PTPRG: variants seen among roughly 807,000 people sequenced by gnomAD.
The protein encoded by PTPRG is protein tyrosine phosphatase receptor type G.
PTPRG carries 102 observed loss-of-function variants against 165.3 expected under a neutral mutation model. The ratio of observed to expected loss-of-function variants is 0.62; its 90% CI spans 0.53 to 0.73. The LOEUF (loss-of-function observed/expected upper bound fraction) is 0.73, where lower values mean the gene tolerates loss of function less well. Among genes scored for constraint, PTPRG ranks in the 30% least tolerant of loss-of-function variants. The pLI is 0.00. For synonymous variants in PTPRG, 675 were observed against 669.5 expected (o/e 1.01, Z -0.13); for missense variants, 1,866 against 1,861.4 (o/e 1.00, Z -0.05).
chr3:62,071,303 A>C (rs1445609363), intron 4 of PTPRG, among the ~76,000 whole-genome samples: 1 of 152,122 alleles, frequency 6.6e-6, no homozygotes, highest in Non-Finnish European at 1.5e-5. Flanking sequence ...AGCTTTCTAA[A>C]TCTGCATATA....
intron 2 of PTPRG, among the ~76,000 whole-genome samples, chr3:61,903,872 G>C (rs933199216): frequency 2.0e-5 from 3 of 152,116 alleles, no homozygotes; most frequent in African/African-American, 7.2e-5. Flanking sequence ...TTATTAACAG[G>C]AAGTGTGTAA....
rs141370393 is a variant in PTPRG, at chr3:62,255,305, A to G, written c.2559+90A>G. 645 of 941,094 alleles carry G rather than the reference A, an allele frequency of 6.9e-4. 3 individuals carry two copies. In the African/African-American group the frequency reaches 0.01, roughly 15 times the overall value. 58.3% of individuals were successfully genotyped at this position (941,094 alleles called of 1,614,324 possible). The stretch of plus-strand genomic sequence containing the variant: ...AACTTGAACTGAATTCATTCCAAGC[A>G]TAACAAAACAGTAACTACGGAAAGT... On this transcript the variant is annotated intron_variant, in intron 16 of 29. Transcript: ENST00000474889. This position sits in a 1 kb window ranked among gnomAD's most constrained non-coding sequence, Gnocchi z 4.0.
At chr3:62,042,223 G>A (rs544026244) in intron 4 of PTPRG, among the ~76,000 whole-genome samples, 41 of 152,276 alleles carry the variant, frequency 2.7e-4, no homozygotes, top group East Asian at 7.7e-4. Flanking sequence ...AGTCAGAGAT[G>A]TGAACAGTAG....
rs187944931 is a variant in PTPRG at position 62,126,635 on chromosome 3, C to T, written c.616-5967C>T. ...TCAGGGGCACTTCTGTGAGAGGCCT[C>T]GGTGACATTTTGCTTATCTGTTAGA... On this transcript the variant is annotated intron_variant, in intron 5 of 29. Transcript: ENST00000474889. Among the ~76,000 whole-genome samples, 28 of 152,228 alleles carry T rather than the reference C, an allele frequency of 1.8e-4. No homozygotes were observed. The East Asian group carries it at 4.8e-3, about 26-fold the overall frequency.
At chr3:62,154,131 C>T (rs1704447973) in intron 6 of PTPRG, among the ~76,000 whole-genome samples, 1 of 152,182 alleles carries the variant, frequency 6.6e-6, no homozygotes, top group Non-Finnish European at 1.5e-5. Context: ...GCTTCAGCCA[C>T]CAGGGCTGAC....
intron 9 of PTPRG, 51 bp downstream of exon 9, chr3:62,191,704 T>G (rs1445803660): frequency 2.2e-5 from 34 of 1,538,792 alleles, no homozygotes; most frequent in Non-Finnish European, 2.9e-5. Flanking sequence ...GAGGGACTCC[T>G]GCTGCAGCTC....
At chr3:61,818,602 A>G (rs1300222381) in intron 2 of PTPRG, among the ~76,000 whole-genome samples, 1 of 152,104 alleles carries the variant, frequency 6.6e-6, no homozygotes, top group Non-Finnish European at 1.5e-5. Flanking sequence ...AGTTTGAGAT[A>G]GCAGTGAGTC....
In PTPRG at chr3:61,782,901, C is replaced by G. The variant is rs538895188; in HGVS notation, c.190+33919C>G. 3.9e-5 allele frequency among the ~76,000 whole-genome samples: 6 copies of G among 152,246 alleles called. No individual in the cohort carries two copies. The East Asian group carries it at 1.2e-3, about 29-fold the overall frequency. On this transcript the variant is annotated intron_variant, in intron 2 of 29. Transcript: ENST00000474889. The stretch of plus-strand genomic sequence containing the variant: ...TACTGAAGCCTCAAACTCCTGGGCT[C>G]AAGTGATCCTCCTGCCTTAGCCTCC...
chr3:61,871,147 T>G (rs1365622280), intron 2 of PTPRG, among the ~76,000 whole-genome samples: 1 of 128,700 alleles, frequency 7.8e-6, no homozygotes, highest in Non-Finnish European at 1.6e-5. Flanking sequence ...TGTGTTGTGT[T>G]GTGTTGTGTT....
chr3:62,121,911 A>G (rs1703088790), intron 5 of PTPRG, among the ~76,000 whole-genome samples: 1 of 152,230 alleles, frequency 6.6e-6, no homozygotes, highest in South Asian at 2.1e-4. Context: ...TCTATCAATC[A>G]AGGCCTGCCA....
chr3:61,682,402 T>C (rs374671600), intron 1 of PTPRG, among the ~76,000 whole-genome samples: 13 of 152,220 alleles, frequency 8.5e-5, no homozygotes, highest in African/African-American at 1.7e-4. Flanking sequence ...TAGAGACTTA[T>C]ATAGCAGATG....
rs753654008 is a variant in PTPRG at position 62,271,431 on chromosome 3, C to A, written c.3058C>A (p.Gln1020Lys). The A allele has an allele frequency of 6.2e-7, 1 of 1,612,886 alleles. No homozygotes were observed. Among genetic ancestry groups the A allele is most frequent in the Non-Finnish European group, 8.5e-7 (1 of 1,179,238 alleles). ...KGRQNERVVI[Q>K]YHYTQWPDMG... ...TCGTCAGAATGAAAGGGTAGTGATC[C>A]AGTATCACTATACACAGTGGCCTGA... Residue 1020 changes from glutamine (Q) to lysine (K), a missense_variant, in exon 21 of 30, where the codon CAG (glutamine) becomes AAG (lysine). This residue lies in a region of PTPRG where 1,452 missense variants were observed against 1,463.0 expected (regional missense o/e 0.99). Coordinates refer to ENST00000474889, the MANE Select transcript of PTPRG (RefSeq NM_002841.4). This position sits in a 1 kb window ranked among gnomAD's most constrained non-coding sequence, Gnocchi z 4.1.
In PTPRG at chr3:61,748,896, T is replaced by G. The variant is rs761762238; in HGVS notation, c.104T>G (p.Val35Gly). ...CTTCCAGCGTTGACAGAAGGCTACGTTGGGGCCCTGCACGAGAATAGACAC... is the reference window on the plus strand; with the variant it reads ...CTTCCAGCGTTGACAGAAGGCTACGGTGGGGCCCTGCACGAGAATAGACAC... Reference protein sequence around the residue: ...VCFPALTEGYVGALHENRHGS... With the variant: ...VCFPALTEGYGGALHENRHGS... Residue 35 changes from valine (V) to glycine (G), a missense_variant, in exon 2 of 30, where the codon GTT (valine) becomes GGT (glycine). Physicochemically the swap from Val to Gly is moderately radical, Grantham distance 109. This residue lies in a region of PTPRG where 408 missense variants were observed against 376.2 expected (regional missense o/e 1.08). Coordinates refer to ENST00000474889, the MANE Select transcript of PTPRG (RefSeq NM_002841.4). 3 of 1,613,562 alleles carry G rather than the reference T, an allele frequency of 1.9e-6. No homozygotes were observed. The highest frequency in any genetic ancestry group is 2.5e-6 in the Non-Finnish European group (3 of 1,179,958).
chr3:62,144,927 A>G (rs539204092), intron 6 of PTPRG, among the ~76,000 whole-genome samples: 1 of 152,038 alleles, frequency 6.6e-6, no homozygotes, highest in Non-Finnish European at 1.5e-5. Flanking sequence ...CTTGTTTGTC[A>G]ATATTTTATC....
intron 2 of PTPRG, among the ~76,000 whole-genome samples, chr3:61,912,866 T>C (rs2038837437): frequency 6.6e-6 from 1 of 152,188 alleles, no homozygotes; most frequent in African/African-American, 2.4e-5. Context: ...TGTTTAGGTT[T>C]TATTTTTTTT....
intron 5 of PTPRG, among the ~76,000 whole-genome samples, chr3:62,086,742 A>C (rs1457185445): frequency 6.6e-6 from 1 of 152,210 alleles, no homozygotes; most frequent in African/African-American, 2.4e-5. Flanking sequence ...CTATTTTAAC[A>C]GCTAATTGAT....
chr3:61,887,125 T>TATATATATATATATATAC (rs2038063462), intron 2 of PTPRG, among the ~76,000 whole-genome samples: 1 of 8,978 alleles, frequency 1.1e-4, no homozygotes. Flanking sequence ...ATAGCATGCA[T>TATATATATATATATATAC]ATATATATAT....
In PTPRG at chr3:61,799,754, A is replaced by G. The variant is rs1175104453; in HGVS notation, c.190+50772A>G. 2.0e-5 allele frequency among the ~76,000 whole-genome samples: 3 copies of G among 152,144 alleles called. No homozygotes were observed. The South Asian group carries it at 6.2e-4, about 32-fold the overall frequency. ...CCACTGTAAGTTTGCCCCCCACCAT[A>G]CTGTACTCCTTGTAACAAAGTCACT... On this transcript the variant is annotated intron_variant, in intron 2 of 29. Transcript: ENST00000474889.
In PTPRG at chr3:61,778,180, C is replaced by T. The variant is rs371755065; in HGVS notation, c.190+29198C>T. Among the ~76,000 whole-genome samples, 47 of 152,104 alleles carry T rather than the reference C, an allele frequency of 3.1e-4. 1 individual carries two copies. In the South Asian group the frequency reaches 3.7e-3, roughly 12 times the overall value. ...ACGCTCAGAAAAGTGAGGAAAAGAA[C>T]GAAGGAATGAAAGCTGAGATTTATT... On this transcript the variant is annotated intron_variant, in intron 2 of 29. Coordinates refer to ENST00000474889, the MANE Select transcript of PTPRG (RefSeq NM_002841.4).
Sources: gnomAD v4.1 joint callset for allele counts (sites outside exome capture counted in the v4.1 genomes callset) on GRCh38, gnomAD v4.1.1 for gene constraint, gnomAD v4.1.1 regional missense constraint, Gnocchi (gnomAD v3.1) non-coding constraint, MANE v1.5 for transcripts, NCBI Gene and HGNC (gene_info 2026-07-23, HGNC 2026-07-21) for gene names.